TMC1: variants seen among roughly 807,000 people sequenced by gnomAD.
The protein encoded by TMC1 is transmembrane channel-like protein 1.
A neutral mutation model predicts 105.8 loss-of-function variants in TMC1; 84 were observed. The ratio of observed to expected loss-of-function variants is 0.79; its 90% confidence interval spans 0.67 to 0.95. TMC1 has a LOEUF of 0.95. TMC1 is among the 40% of genes least tolerant of loss of function. The probability of loss-of-function intolerance (pLI) is 0.00; values close to 1 mark genes in which losing one functional copy is unlikely to be tolerated. For synonymous variants in TMC1, 315 were observed against 311.5 expected, an observed-to-expected ratio of 1.01 and a Z score of -0.12; for missense variants, 817 against 914.1, an observed-to-expected ratio of 0.89 and a Z score of 1.37.
chr9:72,788,300 T>A (rs1828203639), intron 13 of TMC1, 39 bp from the exon 14 acceptor site: 2 of 1,613,204 alleles, frequency 1.2e-6, no homozygotes, highest in Non-Finnish European at 1.7e-6. Context: ...CCCTATCTCA[T>A]TTTTTCTGGC....
At chr9:72,749,153 C>T (rs1294346086) in intron 10 of TMC1, among the ~76,000 whole-genome samples, 3 of 152,042 alleles carry the variant, frequency 2.0e-5, no homozygotes, top group Admixed American at 2.0e-4. Flanking sequence ...ATATTTGTAC[C>T]CTACACGCAA....
chr9:72,631,810 C>T (rs1349445442), intron 4 of TMC1, among the ~76,000 whole-genome samples: 2 of 151,962 alleles, frequency 1.3e-5, no homozygotes, highest in African/African-American at 2.4e-5. Flanking sequence ...ATCAATGAGG[C>T]CTATAAAAAC....
At chr9:72,800,949 T>C (rs1411886663) in intron 17 of TMC1, among the ~76,000 whole-genome samples, 1 of 152,178 alleles carries the variant, frequency 6.6e-6, no homozygotes, top group Non-Finnish European at 1.5e-5. Context: ...AAATTTCTAT[T>C]CTTTAATTGC....
chr9:72,822,450 G>A lies in TMC1; in HGVS notation c.2003+1369G>A, dbSNP rs552136152. Among the ~76,000 whole-genome samples, 288 of 151,996 alleles carry A rather than the reference G, an allele frequency of 1.9e-3. 1 individual carries two copies. Among genetic ancestry groups the A allele is most frequent in the Middle Eastern group, 3.4e-3 (1 of 292 alleles). On this transcript the variant is annotated intron_variant, in intron 20 of 23. Coordinates refer to ENST00000297784, the MANE Select transcript of TMC1 (RefSeq NM_138691.3). Reference sequence around the variant, plus strand: ...CAAGAAAATGTTAAGCCAGCTGATCGAGTTAAACTAGCTGGACCTCTGTCT... The same window carrying A: ...CAAGAAAATGTTAAGCCAGCTGATCAAGTTAAACTAGCTGGACCTCTGTCT...
chr9:72,639,795 C>A (rs1232428571), intron 4 of TMC1, among the ~76,000 whole-genome samples: 1 of 152,150 alleles, frequency 6.6e-6, no homozygotes, highest in African/African-American at 2.4e-5. Flanking sequence ...TATGTCAAAT[C>A]TAAGTTGCCT....
At chr9:72,745,550 T>C (rs944691258) in intron 10 of TMC1, among the ~76,000 whole-genome samples, 1 of 152,178 alleles carries the variant, frequency 6.6e-6, no homozygotes, top group African/African-American at 2.4e-5. Flanking sequence ...ATATGTTTTG[T>C]ATTCTATAGG....
At chr9:72,647,190 C>T (rs1825729080) in intron 4 of TMC1, among the ~76,000 whole-genome samples, 1 of 149,844 alleles carries the variant, frequency 6.7e-6, no homozygotes, top group South Asian at 2.1e-4. Flanking sequence ...CTGTCAGTGG[C>T]AAATATCTCT....
intron 17 of TMC1, among the ~76,000 whole-genome samples, chr9:72,794,962 A>G (rs1160026753): frequency 2.0e-5 from 3 of 152,212 alleles, no homozygotes; most frequent in Non-Finnish European, 2.9e-5. Flanking sequence ...GAATAACACA[A>G]TACAGGAATT....
rs1827095245 is a variant in TMC1 at position 72,725,313 on chromosome 9, TTATGTGTG to T, written c.363-14800_363-14793del. On this transcript the variant is annotated intron_variant, in intron 8 of 23. Transcript: ENST00000297784. ...CATAGGATACCCCCACACACACATTTTATGTGTGTATGTATATATATATATATATATAT... is the reference window on the plus strand; with the variant it reads ...CATAGGATACCCCCACACACACATTTTATGTATATATATATATATATATAT... 2.4e-5 allele frequency among the ~76,000 whole-genome samples: 3 copies of T among 123,616 alleles called. No individual in the cohort carries two copies. The South Asian group carries it at 7.8e-4, about 32-fold the overall frequency. 81.1% of individuals were successfully genotyped at this position (123,616 alleles called of 152,430 possible). A position where few individuals can be genotyped will look rare whatever the true frequency, so the allele number is the denominator to read the frequency against.
chr9:72,565,981 C>T (rs1275652749), intron 1 of TMC1, among the ~76,000 whole-genome samples: 1 of 152,210 alleles, frequency 6.6e-6, no homozygotes, highest in African/African-American at 2.4e-5. Context: ...TGTGTGTATG[C>T]ATGTGCACGT....
intron 1 of TMC1, among the ~76,000 whole-genome samples, chr9:72,524,669 C>A (rs1564389159): frequency 6.6e-6 from 1 of 152,070 alleles, no homozygotes; most frequent in Non-Finnish European, 1.5e-5. Flanking sequence ...AATGTTGTAT[C>A]CCATATAAGC....
At chr9:72,703,189 C>A (rs886378818) in intron 8 of TMC1, among the ~76,000 whole-genome samples, 1 of 151,840 alleles carries the variant, frequency 6.6e-6, no homozygotes, top group Non-Finnish European at 1.5e-5. Flanking sequence ...TGCAGTGGTG[C>A]TATCTTAGCT....
chr9:72,725,514 C>T (rs1042704514), intron 8 of TMC1, among the ~76,000 whole-genome samples: 9 of 151,290 alleles, frequency 5.9e-5, no homozygotes, highest in Non-Finnish European at 1.0e-4. Context: ...ACTTGGAGTC[C>T]GATATTCGAG....
At chr9:72,631,148 G>A (rs2132135584) in intron 4 of TMC1, among the ~76,000 whole-genome samples, 1 of 151,770 alleles carries the variant, frequency 6.6e-6, no homozygotes, top group South Asian at 2.1e-4. Flanking sequence ...CAAAATGCTG[G>A]GATTACAGGT....
At chr9:72,706,048 CTTCTT>C in intron 8 of TMC1, among the ~76,000 whole-genome samples, 1 of 152,204 alleles carries the variant, frequency 6.6e-6, no homozygotes, top group East Asian at 1.9e-4. Context: ...TCTTTTCACA[CTTCTT>C]TTCATTTGTT....
intron 6 of TMC1, among the ~76,000 whole-genome samples, chr9:72,693,138 A>G (rs188844784): frequency 1.1e-3 from 170 of 150,158 alleles, no homozygotes; most frequent in African/African-American, 3.9e-3. Flanking sequence ...AAAAAAAGTG[A>G]AGTTATTCTG....
chr9:72,792,475 G>A (rs746475122), intron 17 of TMC1, 123 bp downstream of exon 17: 1 of 1,147,158 alleles, frequency 8.7e-7, no homozygotes, highest in Non-Finnish European at 1.3e-6. Flanking sequence ...TTTGTTGAAT[G>A]TTGACTGTGT....
chr9:72,765,522 G>A (rs1038151922), intron 12 of TMC1, among the ~76,000 whole-genome samples: 2 of 151,356 alleles, frequency 1.3e-5, no homozygotes, highest in Non-Finnish European at 2.9e-5. Flanking sequence ...CAGAGAGATC[G>A]GCATGCACAA....
chr9:72,836,661 A>G lies in TMC1; in HGVS notation c.*688A>G, dbSNP rs757938984. On this transcript the variant is annotated 3_prime_UTR_variant, in exon 24 of 24. Transcript: ENST00000297784. The stretch of plus-strand genomic sequence containing the variant: ...AAGATCTCTTACTTTGAGAAGGTAC[A>G]TGAGTCTTACACAACCTAGCTTTTT... The G allele has an allele frequency of 2.7e-4, 41 of 152,214 alleles. No homozygotes were observed. Among genetic ancestry groups the G allele is most frequent in the African/African-American group, 9.4e-4 (39 of 41,418 alleles). 9.4% of individuals were successfully genotyped at this position (152,214 alleles called of 1,614,324 possible).
Sources: allele counts gnomAD v4.1 joint callset (sites outside exome capture counted in the v4.1 genomes callset), GRCh38; gene constraint gnomAD v4.1.1; transcripts MANE v1.5; gene names NCBI Gene and HGNC (gene_info 2026-07-23, HGNC 2026-07-21).